Variants in SPAG17 observed in about 807,000 individuals in gnomAD.
SPAG17 encodes sperm associated antigen 17.
SPAG17 carries 169 observed loss-of-function variants against 273.6 expected under a neutral mutation model. That is an observed-to-expected ratio of 0.62 (90% CI 0.55 to 0.70). The LOEUF is 0.70. Among genes scored for constraint, SPAG17 ranks in the 30% least tolerant of loss-of-function variants. SPAG17 has a pLI of 0.00. For synonymous variants in SPAG17, 825 were observed against 873.2 expected, an observed-to-expected ratio of 0.94 and a Z score of 0.97; for missense variants, 2,557 against 2,627.8, an observed-to-expected ratio of 0.97 and a Z score of 0.59.
At chr1:118,062,366 C>CAAAAAAAAAAAAAAAAAAAAAA (rs56029752) in intron 18 of SPAG17, among the ~76,000 whole-genome samples, 1 of 46,410 alleles carries the variant, frequency 2.2e-5, no homozygotes, top group African/African-American at 1.1e-4. Flanking sequence ...GACTCCATCT[C>CAAAAAAAAAAAAAAAAAAAAAA]AAAAAAAAAA....
rs574711541 is a variant in SPAG17 at position 118,062,770 on chromosome 1, C to T, written c.2540+3975G>A. On this transcript the variant is annotated intron_variant, in intron 18 of 48. Transcript: ENST00000336338. ...ATTGTGGAAGATTTAAAAAATACAT[C>T]ACTACGGTCAGAAATTAGAGAACAT... Among the ~76,000 whole-genome samples, 695 of 152,198 alleles carry T rather than the reference C, an allele frequency of 4.6e-3. 9 individuals are homozygous for T. Among genetic ancestry groups the T allele is most frequent in the African/African-American group, 0.016 (646 of 41,512 alleles).
chr1:118,136,616 C>T (rs1274494603), intron 3 of SPAG17, among the ~76,000 whole-genome samples: 2 of 152,314 alleles, frequency 1.3e-5, no homozygotes, highest in East Asian at 1.9e-4. Context: ...TCTCCACCTA[C>T]ACACAGGGCG....
intron 43 of SPAG17, among the ~76,000 whole-genome samples, 170 bp downstream of exon 43, chr1:117,981,100 A>G (rs529079461): frequency 4.4e-4 from 67 of 152,350 alleles, no homozygotes; most frequent in African/African-American, 1.6e-3. Context: ...GTTATTTGAG[A>G]TACTTCGATG....
At chr1:117,987,103 G>A (rs1221604402) in intron 40 of SPAG17, among the ~76,000 whole-genome samples, 1 of 152,072 alleles carries the variant, frequency 6.6e-6, no homozygotes, top group East Asian at 1.9e-4. Context: ...ATCAAACCTA[G>A]CATAAAGACA....
chr1:118,061,316 T>C (rs76073292), intron 18 of SPAG17, among the ~76,000 whole-genome samples: 2,609 of 152,340 alleles, frequency 0.017, 36 homozygotes, highest in Middle Eastern at 0.037. Flanking sequence ...TATCTGATGA[T>C]AGATTTTAAA....
At position 118,089,983 on chromosome 1, in the gene SPAG17, A is replaced by G. The variant is rs558824696; in HGVS notation, c.1359+1623T>C. On this transcript the variant is annotated intron_variant, in intron 10 of 48. Coordinates refer to ENST00000336338, the MANE Select transcript of SPAG17 (RefSeq NM_206996.4). ...GAAGAAGGTGCCTGCTTTCCCTTCT[A>G]CTATGACTGTAAGTTTCCTGAGGTC... Among the ~76,000 whole-genome samples, 288 of 152,304 alleles carry G rather than the reference A, an allele frequency of 1.9e-3. 2 individuals carry two copies. The highest frequency in any genetic ancestry group is 6.7e-3 in the Admixed American group (102 of 15,292).
intron 1 of SPAG17, among the ~76,000 whole-genome samples, chr1:118,162,140 G>T (rs982511943): frequency 6.6e-6 from 1 of 152,152 alleles, no homozygotes; most frequent in Non-Finnish European, 1.5e-5. Flanking sequence ...TCTGGTTATG[G>T]TTCTTAATTT....
chr1:117,987,049 T>C (rs1401491167), intron 40 of SPAG17, among the ~76,000 whole-genome samples: 1 of 152,212 alleles, frequency 6.6e-6, no homozygotes, highest in African/African-American at 2.4e-5. Context: ...CATTAGATTG[T>C]GCTTTTTTGC....
At chr1:118,091,033 T>C (rs554354151) in intron 10 of SPAG17, among the ~76,000 whole-genome samples, 31 of 152,068 alleles carry the variant, frequency 2.0e-4, no homozygotes, top group African/African-American at 7.5e-4. Flanking sequence ...CCCTTAACAA[T>C]CATGATCAAG....
chr1:118,050,206 G>T (rs1650842671), intron 20 of SPAG17, among the ~76,000 whole-genome samples: 1 of 152,168 alleles, frequency 6.6e-6, no homozygotes, highest in South Asian at 2.1e-4. Context: ...AGTGATGCAA[G>T]ACCCTGGAAG....
intron 47 of SPAG17, chr1:117,964,165 CTG>C: frequency 2.7e-6 from 1 of 370,180 alleles, no homozygotes; most frequent in Non-Finnish European, 5.0e-6. Context: ...TCTCTCCTAA[CTG>C]TGACTGGCTT....
chr1:118,042,064 T>A (rs766251126), intron 20 of SPAG17, 22 bp from the exon 21 acceptor site: 9 of 1,590,004 alleles, frequency 5.7e-6, no homozygotes, highest in Admixed American at 1.9e-5. Flanking sequence ...TTTAAGAAAT[T>A]TAACAGGATT....
intron 18 of SPAG17, among the ~76,000 whole-genome samples, chr1:118,066,148 TA>T (rs893075261): frequency 1.3e-5 from 2 of 151,640 alleles, no homozygotes; most frequent in Non-Finnish European, 2.9e-5. Flanking sequence ...TCTTTAAAAC[TA>T]AAAAAAATGC....
At chr1:118,022,223 C>T (rs1660567499) in intron 28 of SPAG17, among the ~76,000 whole-genome samples, 1 of 152,112 alleles carries the variant, frequency 6.6e-6, no homozygotes, top group Non-Finnish European at 1.5e-5. Context: ...TTCTCTCCCT[C>T]AATTTTCTCA....
At chr1:118,008,288 C>T in intron 30 of SPAG17, 90 bp from the exon 31 acceptor site, 1 of 1,444,032 alleles carries the variant, frequency 6.9e-7, no homozygotes, top group East Asian at 2.4e-5. Context: ...TGTTTCCTGG[C>T]TGTCTGGATT....
chr1:118,018,650 T>C (rs893227751), intron 28 of SPAG17, among the ~76,000 whole-genome samples: 2 of 148,674 alleles, frequency 1.3e-5, no homozygotes, highest in East Asian at 2.0e-4. Flanking sequence ...CTGGCCAACA[T>C]AGTGACACTT....
chr1:118,137,774 C>T (rs890815008), intron 3 of SPAG17, among the ~76,000 whole-genome samples: 4 of 151,954 alleles, frequency 2.6e-5, no homozygotes, highest in African/African-American at 9.7e-5. Flanking sequence ...ATATTGAGTG[C>T]CTATAATATG....
intron 24 of SPAG17, 113 bp downstream of exon 24, chr1:118,036,657 T>C (rs1649123382): frequency 5.8e-6 from 4 of 687,688 alleles, no homozygotes; most frequent in South Asian, 1.9e-5. Context: ...GGAAAAACAA[T>C]GAGGAGCATT....
intron 43 of SPAG17, among the ~76,000 whole-genome samples, chr1:117,978,721 AGT>A (rs1655399930): frequency 6.6e-6 from 1 of 152,122 alleles, no homozygotes; most frequent in Non-Finnish European, 1.5e-5. Context: ...TAAGTTCACC[AGT>A]GATCTTCATC....
Sources: allele counts gnomAD v4.1 joint callset (sites outside exome capture counted in the v4.1 genomes callset), GRCh38; gene constraint gnomAD v4.1.1; transcripts MANE v1.5; gene names NCBI Gene and HGNC (gene_info 2026-07-23, HGNC 2026-07-21).